The following PRR5L variants were observed in gnomAD, a reference collection of about 807,000 sequenced individuals.
PRR5L encodes the protein proline-rich protein 5-like.
Under a neutral mutation model 36.4 loss-of-function variants are expected in PRR5L, and 21 were observed. That is an observed-to-expected ratio of 0.58 (90% CI 0.41 to 0.83). The LOEUF (loss-of-function observed/expected upper bound fraction) is 0.83, where lower values mean the gene tolerates loss of function less well. Among genes scored for constraint, PRR5L ranks in the 40% least tolerant of loss-of-function variants. The pLI is 0.00. For missense variants in PRR5L, 381 were observed against 473.3 expected (o/e 0.80, Z 1.81); for synonymous variants, 188 against 197.0 (o/e 0.95, Z 0.38).
In PRR5L at chr11:36,462,336, T is replaced by G; in HGVS notation, c.713-6T>G. 6.7e-7 allele frequency: 1 copy of G among 1,491,644 alleles called. No individual in the cohort carries two copies. The highest frequency in any genetic ancestry group is 8.9e-7 in the Non-Finnish European group (1 of 1,121,064). 92.4% of individuals were successfully genotyped at this position (1,491,644 alleles called of 1,614,324 possible). A position where few individuals can be genotyped will look rare whatever the true frequency, so the allele number is the denominator to read the frequency against. ...ATAACAGTCTTTGCTGATTTTTCTC[T>G]TGCAGCCAGGCGGCACTCCAGGGTC... On this transcript the variant is annotated splice_region_variant and splice_polypyrimidine_tract_variant and intron_variant, in intron 8 of 8. Transcript: ENST00000530639.
intron 1 of PRR5L, among the ~76,000 whole-genome samples, chr11:36,386,867 C>T (rs1323545030): frequency 6.6e-6 from 1 of 152,182 alleles, no homozygotes; most frequent in Non-Finnish European, 1.5e-5. Context: ...CATGGCCAGC[C>T]TCTGATGATA....
At chr11:36,327,061 G>C (rs1178233785) in intron 1 of PRR5L, among the ~76,000 whole-genome samples, 1 of 152,202 alleles carries the variant, frequency 6.6e-6, no homozygotes, top group Non-Finnish European at 1.5e-5. Context: ...TTGTATACAG[G>C]TAGCTATTAA....
At chr11:36,444,405 A>G (rs1044204385) in intron 6 of PRR5L, among the ~76,000 whole-genome samples, 6 of 152,250 alleles carry the variant, frequency 3.9e-5, no homozygotes, top group African/African-American at 1.4e-4. Flanking sequence ...GAGTGAGAAT[A>G]AGAGATTAGA....
intron 1 of PRR5L, among the ~76,000 whole-genome samples, chr11:36,391,448 T>C (rs967613224): frequency 1.3e-5 from 2 of 152,234 alleles, no homozygotes; most frequent in Non-Finnish European, 2.9e-5. Flanking sequence ...TCATATAAGC[T>C]GAGTGTTAGC....
intron 6 of PRR5L, among the ~76,000 whole-genome samples, chr11:36,442,936 A>C (rs1379529802): frequency 6.6e-6 from 1 of 151,634 alleles, no homozygotes; most frequent in Non-Finnish European, 1.5e-5. Flanking sequence ...AACTCTTCCA[A>C]CCTCTGCTCA....
chr11:36,347,034 A>G (rs1481136647), intron 1 of PRR5L, among the ~76,000 whole-genome samples: 1 of 152,234 alleles, frequency 6.6e-6, no homozygotes, highest in Admixed American at 6.5e-5. Flanking sequence ...GTTTGCAGAT[A>G]CTTTGCATAG....
intron 3 of PRR5L, among the ~76,000 whole-genome samples, chr11:36,417,975 G>T (rs1414137612): frequency 1.3e-5 from 2 of 152,224 alleles, no homozygotes; most frequent in South Asian, 2.1e-4. Context: ...TCAAAATAAA[G>T]AATAGTATGG....
chr11:36,311,393 T>C (rs762055165), intron 1 of PRR5L, among the ~76,000 whole-genome samples: 1 of 152,184 alleles, frequency 6.6e-6, no homozygotes, highest in Non-Finnish European at 1.5e-5. Context: ...GAGTGGGCTA[T>C]TGCTTGGCTC....
intron 1 of PRR5L, among the ~76,000 whole-genome samples, chr11:36,360,197 A>G (rs1372763762): frequency 1.3e-5 from 2 of 152,144 alleles, no homozygotes; most frequent in Admixed American, 6.5e-5. Flanking sequence ...TAGAATGACA[A>G]TGACATACTG....
chr11:36,375,755 G>A lies in PRR5L; in HGVS notation c.-125-25242G>A, dbSNP rs1454998300. Among the ~76,000 whole-genome samples, 2 of 152,168 alleles carry A rather than the reference G, an allele frequency of 1.3e-5. 1 individual carries two copies. The highest frequency in any genetic ancestry group is 4.8e-5 in the African/African-American group (2 of 41,432). The stretch of plus-strand genomic sequence containing the variant: ...CATTATTTTTAATTTTTGGCTTGTT[G>A]ATTTTCTGTGGTTTCAAACTCTGAA... On this transcript the variant is annotated intron_variant, in intron 1 of 8. Coordinates refer to ENST00000530639, the MANE Select transcript of PRR5L (RefSeq NM_001160167.2).
intron 1 of PRR5L, among the ~76,000 whole-genome samples, chr11:36,372,864 C>A (rs868101558): frequency 1.4e-4 from 21 of 152,238 alleles, no homozygotes; most frequent in Middle Eastern, 3.4e-3. Context: ...TCATAAGGTT[C>A]AAACAATACA....
chr11:36,342,824 T>A (rs113104864), intron 1 of PRR5L, among the ~76,000 whole-genome samples: 2 of 152,068 alleles, frequency 1.3e-5, no homozygotes, highest in Non-Finnish European at 2.9e-5. Flanking sequence ...TGGGAAAAAA[T>A]TAATTCATGT....
At chr11:36,418,470 C>T (rs1800870165) in intron 3 of PRR5L, among the ~76,000 whole-genome samples, 1 of 152,116 alleles carries the variant, frequency 6.6e-6, no homozygotes, top group Non-Finnish European at 1.5e-5. Flanking sequence ...GGGGAACTCT[C>T]TGAGGCATAA....
At chr11:36,457,422 C>T (rs957844523) in intron 8 of PRR5L, among the ~76,000 whole-genome samples, 2 of 152,020 alleles carry the variant, frequency 1.3e-5, no homozygotes, top group Admixed American at 1.3e-4. Flanking sequence ...CTGGCTAACA[C>T]GGTGAAACCC....
chr11:36,385,419 G>T (rs1194338623), intron 1 of PRR5L, among the ~76,000 whole-genome samples: 1 of 152,236 alleles, frequency 6.6e-6, no homozygotes, highest in Non-Finnish European at 1.5e-5. Context: ...ACAGTGGCTT[G>T]CAGGCCAAGG....
intron 1 of PRR5L, among the ~76,000 whole-genome samples, chr11:36,351,321 TAA>T (rs1491382674): frequency 2.7e-5 from 2 of 74,864 alleles, no homozygotes; most frequent in African/African-American, 5.2e-5. Context: ...TATATATTTA[TAA>T]ATATTTATAT....
At chr11:36,414,767 C>G (rs1337476517) in intron 3 of PRR5L, among the ~76,000 whole-genome samples, 1 of 147,442 alleles carries the variant, frequency 6.8e-6, no homozygotes, top group African/African-American at 2.6e-5. Flanking sequence ...TTTTGGTGTT[C>G]AGACATGAAG....
At chr11:36,421,311 A>G (rs1232820324) in intron 4 of PRR5L, among the ~76,000 whole-genome samples, 1 of 152,150 alleles carries the variant, frequency 6.6e-6, no homozygotes, top group East Asian at 1.9e-4. Context: ...TTATCTGGGA[A>G]GCCTTGAGGT....
chr11:36,463,251 TA>T lies in PRR5L; in HGVS notation c.*516del, dbSNP rs1267929622. On this transcript the variant is annotated 3_prime_UTR_variant, in exon 9 of 9. Coordinates refer to ENST00000530639, the MANE Select transcript of PRR5L (RefSeq NM_001160167.2). ...TAGAGTGAAAATAGCCTGAAGCCCC[TA>T]CTCAGCAGGGCTCTGGGAATGTGCC... is the stretch of plus-strand genomic sequence containing the variant. The T allele has an allele frequency of 6.6e-6, 1 of 152,442 alleles. No individual in the cohort carries two copies. The highest frequency in any genetic ancestry group is 1.5e-5 in the Non-Finnish European group (1 of 68,224). The allele number at this position is 152,442 out of a possible 1,614,324, so 9.4% of individuals were successfully genotyped here.
Sources: allele counts gnomAD v4.1 joint callset (sites outside exome capture counted in the v4.1 genomes callset), GRCh38; gene constraint gnomAD v4.1.1; transcripts MANE v1.5; gene names NCBI Gene and HGNC (gene_info 2026-07-23, HGNC 2026-07-21).